SHANK2: variants seen among roughly 807,000 people sequenced by gnomAD.
The protein encoded by SHANK2 is SH3 and multiple ankyrin repeat domains protein 2.
SHANK2 carries 43 observed loss-of-function variants against 133.7 expected under a neutral mutation model. The observed-to-expected ratio is 0.32, with a 90% confidence interval of 0.25 to 0.41. SHANK2 has a LOEUF of 0.41. Ranked by LOEUF, SHANK2 falls within the 10% of genes least tolerant of loss-of-function variation. SHANK2 has a pLI of 1.00. For missense variants in SHANK2, 1,994 were observed against 2,235.8 expected (o/e 0.89, Z 2.18); for synonymous variants, 1,017 against 952.8 (o/e 1.07, Z -1.24).
upstream of SHANK2, among the ~76,000 whole-genome samples, chr11:71,252,779 T>C (rs1555126080): frequency 2.0e-5 from 3 of 150,776 alleles, no homozygotes; most frequent in Non-Finnish European, 4.4e-5. The surrounding 1 kb of genome is among the most constrained non-coding windows in gnomAD (Gnocchi z 6.3). Context: ...GTGGGGTCTG[T>C]TGTGGCAACC....
rs71049942 is a variant in SHANK2 at position 70,784,343 on chromosome 11, G to GTTTTTTTTTT, written c.1777+14090_1777+14099dup. On this transcript the variant is annotated intron_variant, in intron 14 of 25. Transcript: ENST00000601538. ...AGGGCGTGCGCCACCACACCGGCTA[G>GTTTTTTTTTT]TTTTTTTTTTTTTTTTTTTTTTTTT... Among the ~76,000 whole-genome samples, 27 of 42,854 alleles carry GTTTTTTTTTT rather than the reference G, an allele frequency of 6.3e-4. 4 individuals are homozygous for GTTTTTTTTTT. Among genetic ancestry groups the GTTTTTTTTTT allele is most frequent in the African/African-American group, 1.5e-3 (19 of 12,592 alleles). 28.1% of individuals were successfully genotyped at this position (42,854 alleles called of 152,430 possible).
At chr11:71,085,603 TTA>T (rs1241020669) in intron 8 of SHANK2, among the ~76,000 whole-genome samples, 2 of 85,308 alleles carry the variant, frequency 2.3e-5, no homozygotes, top group African/African-American at 4.9e-5. Flanking sequence ...AATATATATA[TTA>T]AATATATATT....
chr11:70,789,800 T>C (rs1204147594), intron 14 of SHANK2, among the ~76,000 whole-genome samples: 2 of 152,200 alleles, frequency 1.3e-5, no homozygotes, highest in Non-Finnish European at 2.9e-5. Context: ...CCTACCTGTC[T>C]CTGGAGGATG....
chr11:71,123,226 T>C (rs1449148611), intron 3 of SHANK2, among the ~76,000 whole-genome samples: 2 of 152,152 alleles, frequency 1.3e-5, no homozygotes, highest in South Asian at 4.2e-4. Context: ...CCTGACACAG[T>C]ACAGGTGACT....
At chr11:70,955,046 T>C (rs1555087480) in intron 10 of SHANK2, among the ~76,000 whole-genome samples, 1 of 152,230 alleles carries the variant, frequency 6.6e-6, no homozygotes, top group East Asian at 1.9e-4. Flanking sequence ...GACATCCACA[T>C]CAAGGCCTTC....
chr11:70,578,462 CTTCCCAT>C (rs1341219140), intron 17 of SHANK2, among the ~76,000 whole-genome samples: 1 of 152,222 alleles, frequency 6.6e-6, no homozygotes, highest in African/African-American at 2.4e-5. Context: ...GACGCACAGC[CTTCCCAT>C]CCTGGACCAC....
At chr11:70,616,074 C>T (rs2060737747) in intron 17 of SHANK2, among the ~76,000 whole-genome samples, 1 of 152,170 alleles carries the variant, frequency 6.6e-6, no homozygotes, top group Non-Finnish European at 1.5e-5. Flanking sequence ...CCTTCACTGT[C>T]CTTGCCGTTA....
chr11:70,693,794 G>A (rs782816902), intron 15 of SHANK2, among the ~76,000 whole-genome samples: 2 of 152,120 alleles, frequency 1.3e-5, no homozygotes, highest in African/African-American at 2.4e-5. Flanking sequence ...ATGGACGGGG[G>A]AGTGAACAGA....
intron 2 of SHANK2, among the ~76,000 whole-genome samples, chr11:71,178,551 G>A (rs11232414): frequency 0.35 from 52,617 of 152,060 alleles, 10,702 homozygotes; most frequent in Admixed American, 0.53. Flanking sequence ...CCACTGAGTC[G>A]TACACTCCTG....
intron 11 of SHANK2, among the ~76,000 whole-genome samples, chr11:70,852,164 A>G (rs1949096039): frequency 6.6e-6 from 1 of 152,218 alleles, no homozygotes; most frequent in African/African-American, 2.4e-5. Flanking sequence ...CAGACATGAC[A>G]CACGGCCCAC....
At chr11:70,510,823 G>A (rs534324083) in intron 17 of SHANK2, among the ~76,000 whole-genome samples, 23 of 152,320 alleles carry the variant, frequency 1.5e-4, no homozygotes, top group African/African-American at 5.5e-4. Flanking sequence ...CCCCTTTCCT[G>A]GTGAAGAGGA....
intron 17 of SHANK2, among the ~76,000 whole-genome samples, chr11:70,640,607 G>T (rs2061166409): frequency 6.6e-6 from 1 of 152,256 alleles, no homozygotes; most frequent in South Asian, 2.1e-4. Flanking sequence ...TGAGGCCCGA[G>T]CCCTGACCTG....
At chr11:71,182,702 T>C (rs1260245237) in intron 2 of SHANK2, among the ~76,000 whole-genome samples, 1 of 152,116 alleles carries the variant, frequency 6.6e-6, no homozygotes, top group Non-Finnish European at 1.5e-5. Context: ...CCAAAGAAGG[T>C]CTCATTCTCA....
In SHANK2 at chr11:70,659,430, G is replaced by C. The variant is rs139991605; in HGVS notation, c.2061+398C>G. Among the ~76,000 whole-genome samples the C allele has an allele frequency of 1.7e-4, 26 of 152,210 alleles. No individual in the cohort carries two copies. In the East Asian group the frequency reaches 5.0e-3, roughly 29 times the overall value. ...CCTCACGCCAGCAACTGCCACACAAGAGTGGTTGCCGACTCACCCATAGGA... is the reference window on the plus strand; with the variant it reads ...CCTCACGCCAGCAACTGCCACACAACAGTGGTTGCCGACTCACCCATAGGA... On this transcript the variant is annotated intron_variant, in intron 17 of 25. Transcript: ENST00000601538.
At chr11:70,952,551 G>A (rs560640249) in intron 10 of SHANK2, among the ~76,000 whole-genome samples, 2 of 152,166 alleles carry the variant, frequency 1.3e-5, no homozygotes, top group Non-Finnish European at 2.9e-5. Flanking sequence ...TCTCTGGGTG[G>A]CGATGGAGCT....
At chr11:70,689,572 C>T (rs1017842019) in intron 15 of SHANK2, among the ~76,000 whole-genome samples, 2 of 152,138 alleles carry the variant, frequency 1.3e-5, no homozygotes, top group Non-Finnish European at 2.9e-5. Context: ...TCGCTACCTA[C>T]AGTGGAATGA....
chr11:70,635,256 C>A (rs868951756), intron 17 of SHANK2: 17 of 152,190 alleles, frequency 1.1e-4, no homozygotes, highest in African/African-American at 3.4e-4. Flanking sequence ...TGCACACCCG[C>A]GTTCACGGTG....
Position 71,075,223 on chromosome 11 carries a change from GC to G in SHANK2, c.964del (p.Ala322GlnfsTer3). On this transcript the variant is annotated frameshift_variant, in exon 9 of 26. Coordinates refer to ENST00000601538, the MANE Select transcript of SHANK2 (RefSeq NM_012309.5). LOFTEE classifies it high-confidence loss of function. The part of the protein sequence containing the change: ...QHLEHLLFYG[A>X]DMSAQNASGN... ...CGAGGCATTCTGGGCACTCATGTCT[GC>G]CCCGTAGAACAGCAGGTGCTCCAGG... 1.2e-5 allele frequency: 3 copies of G among 256,850 alleles called. No homozygotes were observed. Among genetic ancestry groups the G allele is most frequent in the South Asian group, 1.5e-4 (2 of 13,678 alleles). 15.9% of individuals were successfully genotyped at this position (256,850 alleles called of 1,614,324 possible). A position where few individuals can be genotyped will look rare whatever the true frequency, so the allele number is the denominator to read the frequency against.
At chr11:70,573,860 T>C (rs894185982) in intron 17 of SHANK2, among the ~76,000 whole-genome samples, 4 of 152,204 alleles carry the variant, frequency 2.6e-5, no homozygotes, top group Non-Finnish European at 2.9e-5. Context: ...ACACTTACCA[T>C]CCTGGTGACA....
Sources: allele counts gnomAD v4.1 joint callset (sites outside exome capture counted in the v4.1 genomes callset), GRCh38; gene constraint gnomAD v4.1.1; non-coding constraint Gnocchi (gnomAD v3.1); transcripts MANE v1.5; gene names NCBI Gene and HGNC (gene_info 2026-07-23, HGNC 2026-07-21).